Variants in SLC25A18 observed in about 807,000 individuals in gnomAD.
The protein encoded by SLC25A18 is mitochondrial glutamate carrier 2.
SLC25A18 carries 24 observed loss-of-function variants against 31.1 expected under a neutral mutation model. The ratio of observed to expected loss-of-function variants is 0.77; its 90% CI spans 0.56 to 1.08. The LOEUF is 1.08. Among genes scored for constraint, SLC25A18 ranks in the 50% least tolerant of loss-of-function variants. The probability of loss-of-function intolerance (pLI) is 0.00; values close to 1 mark genes in which losing one functional copy is unlikely to be tolerated. For synonymous variants in SLC25A18, 173 were observed against 161.9 expected (o/e 1.07, Z -0.52); for missense variants, 371 against 418.5 (o/e 0.89, Z 0.99).
At chr22:17,579,690 G>C in intron 2 of SLC25A18, 55 bp from the exon 3 acceptor site, 1 of 1,307,298 alleles carries the variant, frequency 7.6e-7, no homozygotes, top group Non-Finnish European at 9.8e-7. Context: ...GAATCCACTA[G>C]TGACGTGCGT....
At position 17,587,286 on chromosome 22, in the gene SLC25A18, G is replaced by A; in HGVS notation, c.560G>A (p.Gly187Asp). The A allele has an allele frequency of 1.2e-6, 2 of 1,613,034 alleles. No homozygotes were observed. Among genetic ancestry groups the A allele is most frequent in the Middle Eastern group, 1.7e-4 (1 of 6,048 alleles). ...CTGGCTGGGCTCTACAGGGGCCTGG[G>A]TGCCACTCTCCTCAGGTGAGCCTTT... ...QGLAGLYRGL[G>D]ATLLRDIPFS... The change falls in exon 8 of 11, where the codon GGT becomes GAT. Residue 187 changes from glycine to aspartate, a missense_variant. Transcript: ENST00000327451.
intron 2 of SLC25A18, among the ~76,000 whole-genome samples, chr22:17,574,830 T>TTTATTATTATTATTATTATTATTA (rs139929656): frequency 0.13 from 18,354 of 137,616 alleles, 1,459 homozygotes; most frequent in Admixed American, 0.2. Context: ...CAATGTTCCC[T>TTTATTATTATTATTATTATTATTA]TTATTATTAT....
Position 17,582,581 on chromosome 22 carries a change from C to T in SLC25A18, c.218C>T (p.Thr73Ile), listed in dbSNP as rs955472602. The change falls in exon 6 of 11, where the codon ACT becomes ATT. Residue 73 changes from threonine (T) to isoleucine (I), a missense_variant. By Grantham distance (89) the Thr-to-Ile change is moderately conservative. Transcript: ENST00000327451. The stretch of plus-strand genomic sequence containing the variant: ...CTTCCAGGGGCTGCAGTGAACCTCA[C>T]TCTGGTCACTCCAGAGAAGGCCATC... ...GMYRGAAVNL[T>I]LVTPEKAIKL... 1 of 1,600,634 alleles carries T rather than the reference C, an allele frequency of 6.2e-7. No homozygotes were observed. The highest frequency in any genetic ancestry group is 8.5e-7 in the Non-Finnish European group (1 of 1,172,814).
intron 1 of SLC25A18, among the ~76,000 whole-genome samples, chr22:17,566,826 C>G (rs73159581): frequency 0.028 from 4,248 of 152,234 alleles, 72 homozygotes; most frequent in Middle Eastern, 0.071. Flanking sequence ...TCCATAGCAT[C>G]CTCTATCAGC....
At chr22:17,568,673 TGCCTCAGCCTCCCGAGTA>T (rs2057005818) in intron 1 of SLC25A18, among the ~76,000 whole-genome samples, 1 of 136,662 alleles carries the variant, frequency 7.3e-6, no homozygotes, top group South Asian at 2.6e-4. Context: ...GCCATTCTCC[TGCCTCAGCCTCCCGAGTA>T]GCTGGGACTA....
At chr22:17,565,141 A>G (rs1295495126) in intron 1 of SLC25A18, among the ~76,000 whole-genome samples, 1 of 151,912 alleles carries the variant, frequency 6.6e-6, no homozygotes, top group African/African-American at 2.4e-5. Flanking sequence ...GTACAGTGGC[A>G]CAATCTCGGT....
chr22:17,569,747 A>T (rs2057038581), intron 1 of SLC25A18, 177 bp from the exon 2 acceptor site: 1 of 985,226 alleles, frequency 1.0e-6, no homozygotes, highest in African/African-American at 1.7e-5. Context: ...GCGTGGCTTG[A>T]CTGGATAGTA....
intron 1 of SLC25A18, among the ~76,000 whole-genome samples, chr22:17,564,869 A>AAAAAAAAAAAC (rs2056893513): frequency 6.6e-6 from 1 of 150,912 alleles, no homozygotes. Context: ...AAAAAAAAAA[A>AAAAAAAAAAAC]TCAGGCCCAG....
At chr22:17,574,529 T>TA (rs999507739) in intron 2 of SLC25A18, among the ~76,000 whole-genome samples, 10 of 151,250 alleles carry the variant, frequency 6.6e-5, no homozygotes, top group East Asian at 1.9e-4. Flanking sequence ...TTTTATTTTT[T>TA]TTTTTGAGAT....
At chr22:17,585,899 T>C (rs553388030) in intron 7 of SLC25A18, among the ~76,000 whole-genome samples, 80 of 152,162 alleles carry the variant, frequency 5.3e-4, no homozygotes, top group African/African-American at 1.8e-3. Context: ...GTGATACGCC[T>C]GCCTTGGCCT....
At position 17,565,275 on chromosome 22, in the gene SLC25A18, G is replaced by T. The variant is rs540988402; in HGVS notation, c.-264+1562G>T. 1.2e-4 allele frequency among the ~76,000 whole-genome samples: 18 copies of T among 152,104 alleles called. No individual in the cohort carries two copies. In the South Asian group the frequency reaches 3.5e-3, roughly 30 times the overall value. On this transcript the variant is annotated intron_variant, in intron 1 of 10. Transcript: ENST00000327451. The stretch of plus-strand genomic sequence containing the variant: ...TTTTGTATTTTTTAGTAGAGACGGG[G>T]TTTTGCCATGTTGGCCAGGATGGTC...
chr22:17,568,173 G>A (rs1471824349), intron 1 of SLC25A18, among the ~76,000 whole-genome samples: 1 of 151,880 alleles, frequency 6.6e-6, no homozygotes, highest in East Asian at 1.9e-4. Context: ...GACCATCCTG[G>A]CTAACATGGT....
At chr22:17,564,111 A>C (rs1426144186) in intron 1 of SLC25A18, among the ~76,000 whole-genome samples, 1 of 152,148 alleles carries the variant, frequency 6.6e-6, no homozygotes, top group Non-Finnish European at 1.5e-5. Context: ...TCTAAGACGA[A>C]GACTGTGTAA....
Position 17,587,156 on chromosome 22 carries a change from G to C in SLC25A18, c.430G>C (p.Ala144Pro). Residue 144 changes from alanine (A) to proline (P), a missense_variant, in exon 8 of 11, where the codon GCC (alanine) becomes CCC (proline). Coordinates refer to ENST00000327451, the MANE Select transcript of SLC25A18 (RefSeq NM_031481.3). ...TCCAGCCGTCCATCATCAGGGCTCG[G>C]CCTCAGCACCCTCCACCTCCAGGTC... ...GRLAVHHQGS[A>P]SAPSTSRSYT... 2 of 1,614,006 alleles carry C rather than the reference G, an allele frequency of 1.2e-6. No individual in the cohort carries two copies. Among genetic ancestry groups the C allele is most frequent in the Non-Finnish European group, 8.5e-7 (1 of 1,180,014 alleles).
At chr22:17,581,661 CCT>C (rs748806134) in intron 5 of SLC25A18, 2 of 527,064 alleles carry the variant, frequency 3.8e-6, no homozygotes, top group Admixed American at 3.4e-5. Context: ...TACCTGCCTG[CCT>C]CTCTCTGCCT....
rs113305535 is a variant in SLC25A18 at position 17,589,339 on chromosome 22, G to A, written c.731-251G>A. ...GGGACTACAGGAACGCGCCACGCCC[G>A]GCTCATTTTTGTATTTTTAGTAGAG... On this transcript the variant is annotated intron_variant, in intron 9 of 10. Transcript: ENST00000327451. 1,529 of 361,568 alleles carry A rather than the reference G, an allele frequency of 4.2e-3. 16 individuals are homozygous for A. The highest frequency in any genetic ancestry group is 0.029 in the African/African-American group (1,365 of 47,094). The allele number at this position is 361,568 out of a possible 1,614,324, so 22.4% of individuals were successfully genotyped here.
Position 17,581,706 on chromosome 22 carries a change from A to G in SLC25A18, c.199+293A>G. ...AGCGAAGAGAGAGAGGCTGAAAGGG[A>G]CTGAGGGACGGGGCCTGAGCTCCTG... On this transcript the variant is annotated intron_variant, in intron 5 of 10. Coordinates refer to ENST00000327451, the MANE Select transcript of SLC25A18 (RefSeq NM_031481.3). The G allele has an allele frequency of 7.3e-6, 3 of 413,296 alleles. No individual in the cohort carries two copies. The South Asian group carries it at 1.1e-4, about 15-fold the overall frequency. 25.6% of individuals were successfully genotyped at this position (413,296 alleles called of 1,614,324 possible).
rs2056862845 is a variant in SLC25A18, at chr22:17,563,632, G to A, written c.-345G>A. 1.0e-6 allele frequency: 1 copy of A among 982,772 alleles called. No individual in the cohort carries two copies. The allele number at this position is 982,772 out of a possible 1,614,324, so 60.9% of individuals were successfully genotyped here. On this transcript the variant is annotated 5_prime_UTR_variant, in exon 1 of 11. In the 5' UTR this introduces an upstream ATG that the reference lacks. Coordinates refer to ENST00000327451, the MANE Select transcript of SLC25A18 (RefSeq NM_031481.3). ...GCTTTGAGAAGGAACTGAGTAGGCA[G>A]TGAGAAGAGTCGAGTGAAGCCTGGC...
chr22:17,579,549 G>A (rs572051474), intron 2 of SLC25A18, among the ~76,000 whole-genome samples, 196 bp from the exon 3 acceptor site: 1 of 152,250 alleles, frequency 6.6e-6, no homozygotes, highest in Admixed American at 6.5e-5. Context: ...TCAGCAGGCT[G>A]CTGTATCCTT....
Sources: allele counts gnomAD v4.1 joint callset (sites outside exome capture counted in the v4.1 genomes callset), GRCh38; gene constraint gnomAD v4.1.1; transcripts MANE v1.5; gene names NCBI Gene and HGNC (gene_info 2026-07-23, HGNC 2026-07-21).